Variants in GATAD2B observed in about 807,000 individuals in gnomAD.
GATAD2B encodes transcriptional repressor p66-beta.
GATAD2B carries 8 observed loss-of-function variants against 64.3 expected under a neutral mutation model. That is an observed-to-expected ratio of 0.12 (90% CI 0.07 to 0.22). The LOEUF is 0.22. GATAD2B is among the 10% of genes least tolerant of loss of function. GATAD2B has a pLI of 1.00. For missense variants in GATAD2B, 453 were observed against 752.0 expected, an observed-to-expected ratio of 0.60 and a Z score of 4.65; for synonymous variants, 281 against 271.3, an observed-to-expected ratio of 1.04 and a Z score of -0.35.
intron 2 of GATAD2B, among the ~76,000 whole-genome samples, chr1:153,821,480 T>C (rs182102229): frequency 4.6e-5 from 7 of 152,284 alleles, no homozygotes; most frequent in African/African-American, 1.7e-4. Context: ...GCTGAGAAGG[T>C]AGAAATACAG....
At chr1:153,872,192 G>T (rs1170208649) in intron 1 of GATAD2B, among the ~76,000 whole-genome samples, 2 of 151,048 alleles carry the variant, frequency 1.3e-5, no homozygotes, top group Non-Finnish European at 2.9e-5. Flanking sequence ...GGTAGCGTGT[G>T]CCTGTAATCC....
intron 1 of GATAD2B, among the ~76,000 whole-genome samples, chr1:153,888,217 T>C (rs1677243638): frequency 6.6e-6 from 1 of 152,026 alleles, no homozygotes; most frequent in African/African-American, 2.4e-5. Flanking sequence ...ATCTCTTCTG[T>C]AAGGGTGGTA....
intron 1 of GATAD2B, among the ~76,000 whole-genome samples, chr1:153,862,279 C>T (rs1448586821): frequency 1.3e-5 from 2 of 151,666 alleles, no homozygotes; most frequent in African/African-American, 4.8e-5. Flanking sequence ...CATGCCGTCA[C>T]ACCCAGCTAA....
chr1:153,845,563 T>C (rs576041435), intron 1 of GATAD2B, among the ~76,000 whole-genome samples: 2 of 148,936 alleles, frequency 1.3e-5, no homozygotes, highest in African/African-American at 2.5e-5. Context: ...CTGGGCAACA[T>C]GACAAAACCC....
At chr1:153,917,691 G>A (rs546240677) in intron 1 of GATAD2B, among the ~76,000 whole-genome samples, 12 of 152,104 alleles carry the variant, frequency 7.9e-5, no homozygotes, top group African/African-American at 1.4e-4. Flanking sequence ...CACCAACCCC[G>A]GCCAACAAAC....
chr1:153,901,951 A>C (rs1677789530), intron 1 of GATAD2B, among the ~76,000 whole-genome samples: 1 of 145,206 alleles, frequency 6.9e-6, no homozygotes, highest in Non-Finnish European at 1.5e-5. Context: ...AATCAGGAGG[A>C]GAGCAGGGGC....
At chr1:153,901,901 T>C (rs1482485653) in intron 1 of GATAD2B, among the ~76,000 whole-genome samples, 1 of 147,322 alleles carries the variant, frequency 6.8e-6, no homozygotes, top group Non-Finnish European at 1.5e-5. Context: ...ACCCTGAACG[T>C]GCCCGGTCCT....
intron 2 of GATAD2B, among the ~76,000 whole-genome samples, chr1:153,823,229 TAGAG>T (rs1365357329): frequency 2.0e-5 from 3 of 152,338 alleles, no homozygotes; most frequent in Admixed American, 2.0e-4. Context: ...TCCTACCTAT[TAGAG>T]AGATATTATT....
chr1:153,847,785 CTCTT>C (rs569097897), intron 1 of GATAD2B, among the ~76,000 whole-genome samples: 3 of 152,128 alleles, frequency 2.0e-5, no homozygotes, highest in South Asian at 2.1e-4. Context: ...CATGTCTCAT[CTCTT>C]TTTTTCATAT....
chr1:153,860,309 T>C (rs148401123), intron 1 of GATAD2B, among the ~76,000 whole-genome samples: 1 of 152,254 alleles, frequency 6.6e-6, no homozygotes, highest in Non-Finnish European at 1.5e-5. Context: ...CCAGAAGTCA[T>C]GAATGGTATG....
chr1:153,814,840 G>A (rs1390334178), intron 7 of GATAD2B, among the ~76,000 whole-genome samples: 1 of 151,850 alleles, frequency 6.6e-6, no homozygotes, highest in African/African-American at 2.4e-5. Context: ...GCCAGGTGTG[G>A]TGGCAGGCAC....
At position 153,859,619 on chromosome 1, in the gene GATAD2B, G is replaced by A. The variant is rs140168382; in HGVS notation, c.-1-31271C>T. Among the ~76,000 whole-genome samples the A allele has an allele frequency of 2.0e-3, 295 of 146,232 alleles. 2 individuals are homozygous for A. Among genetic ancestry groups the A allele is most frequent in the African/African-American group, 7.1e-3 (279 of 39,454 alleles). ...CAGGAGGTGGAGGCTGCAGTGAGCT[G>A]AGACTGCACCACTCCACTCCAGCCT... is the stretch of plus-strand genomic sequence containing the variant. On this transcript the variant is annotated intron_variant, in intron 1 of 10. Transcript: ENST00000368655.
At chr1:153,896,449 T>G (rs1677597463) in intron 1 of GATAD2B, among the ~76,000 whole-genome samples, 1 of 150,996 alleles carries the variant, frequency 6.6e-6, no homozygotes, top group Admixed American at 6.6e-5. Context: ...TTTTTTTTTT[T>G]TTTGGAAATG....
At chr1:153,827,446 A>G (rs1186309275) in intron 2 of GATAD2B, 1 of 152,976 alleles carries the variant, frequency 6.5e-6, no homozygotes, top group African/African-American at 2.4e-5. Context: ...CTGGGAAAAC[A>G]TGTTGCATGT....
intron 1 of GATAD2B, among the ~76,000 whole-genome samples, chr1:153,855,610 A>G (rs985453111): frequency 1.3e-5 from 2 of 152,220 alleles, no homozygotes; most frequent in African/African-American, 4.8e-5. Context: ...TTCATTCAGA[A>G]AGTCATTAAG....
chr1:153,904,983 A>C (rs1677883179), intron 1 of GATAD2B, among the ~76,000 whole-genome samples: 1 of 152,010 alleles, frequency 6.6e-6, no homozygotes, highest in African/African-American at 2.4e-5. Flanking sequence ...CTGGGATTAC[A>C]TGCATGAGCC....
In GATAD2B at chr1:153,807,772, T is replaced by C. The variant is rs1292060972; in HGVS notation, c.*2405A>G. 6.5e-6 allele frequency: 1 copy of C among 152,684 alleles called. No homozygotes were observed. The highest frequency in any genetic ancestry group is 1.5e-5 in the Non-Finnish European group (1 of 68,122). The allele number at this position is 152,684 out of a possible 1,614,324, so 9.5% of individuals were successfully genotyped here. The stretch of plus-strand genomic sequence containing the variant: ...GCAGGGACAGCCCCCAGCCAGACGG[T>C]ATTGCACATTCTCTGTTCCTTACTT... On this transcript the variant is annotated 3_prime_UTR_variant, in exon 11 of 11. Transcript: ENST00000368655.
At chr1:153,820,369 T>C (rs749389303) in intron 2 of GATAD2B, among the ~76,000 whole-genome samples, 1 of 152,194 alleles carries the variant, frequency 6.6e-6, no homozygotes, top group African/African-American at 2.4e-5. Flanking sequence ...TCCTATTTAC[T>C]AGATAACTCT....
chr1:153,896,525 C>T (rs1052106348), intron 1 of GATAD2B, among the ~76,000 whole-genome samples: 10 of 151,688 alleles, frequency 6.6e-5, no homozygotes, highest in African/African-American at 2.4e-4. Context: ...CAACCTCCAC[C>T]TCCCGGGTTC....
Sources: allele counts gnomAD v4.1 joint callset (sites outside exome capture counted in the v4.1 genomes callset), GRCh38; gene constraint gnomAD v4.1.1; transcripts MANE v1.5; gene names NCBI Gene and HGNC (gene_info 2026-07-23, HGNC 2026-07-21).